Variants in FSTL4 observed in about 807,000 individuals in gnomAD.
The protein encoded by FSTL4 is follistatin-related protein 4.
In FSTL4, 28 loss-of-function variants were observed where a neutral mutation model predicts 78.2. The ratio of observed to expected loss-of-function variants is 0.36; its 90% confidence interval spans 0.27 to 0.49. The LOEUF (loss-of-function observed/expected upper bound fraction) is 0.49. Ranked by LOEUF, FSTL4 falls within the 20% of genes least tolerant of loss-of-function variation. The pLI, the probability that FSTL4 is intolerant of heterozygous loss-of-function variation, is 0.98. For missense variants in FSTL4, 922 were observed against 1,084.9 expected, an observed-to-expected ratio of 0.85 and a Z score of 2.11; for synonymous variants, 422 against 440.5, an observed-to-expected ratio of 0.96 and a Z score of 0.53.
chr5:133,835,288 A>G, the FSTL4 span, among the ~76,000 whole-genome samples: 1 of 152,160 alleles, frequency 6.6e-6, no homozygotes, highest in Non-Finnish European at 1.5e-5. Flanking sequence ...CGATTCTGAT[A>G]GTCTGTCTTT....
intron 6 of FSTL4, among the ~76,000 whole-genome samples, chr5:133,298,659 T>C (rs1192077655): frequency 1.3e-5 from 2 of 152,248 alleles, no homozygotes; most frequent in Non-Finnish European, 1.5e-5. Flanking sequence ...TCAAAGACCA[T>C]GTCTGTCACA....
rs1429293001 is a variant in FSTL4 at position 133,338,505 on chromosome 5, A to C, written c.410-21853T>G. Among the ~76,000 whole-genome samples the C allele has an allele frequency of 6.6e-6, 1 of 151,922 alleles. No individual in the cohort carries two copies. Among genetic ancestry groups the C allele is most frequent in the Non-Finnish European group, 1.5e-5 (1 of 67,970 alleles). On this transcript the variant is annotated intron_variant, in intron 4 of 15. Transcript: ENST00000265342. This position sits in a 1 kb window ranked among gnomAD's most constrained non-coding sequence, Gnocchi z 4.0. ...CGTGGAGTGGCATAAGCTATACAGA[A>C]ACTTCCCTCTGCTCCCCCATGGATA... is the stretch of plus-strand genomic sequence containing the variant.
In FSTL4 at chr5:133,321,669, T is replaced by C. The variant is rs542946451; in HGVS notation, c.410-5017A>G. 1.9e-4 allele frequency among the ~76,000 whole-genome samples: 29 copies of C among 152,344 alleles called. No homozygotes were observed. The East Asian group carries it at 5.4e-3, about 28-fold the overall frequency. On this transcript the variant is annotated intron_variant, in intron 4 of 15. Coordinates refer to ENST00000265342, the MANE Select transcript of FSTL4 (RefSeq NM_015082.2). ...GAGAGAATGGTTCGAGAGAATGCCA[T>C]AAGGAGCCCTGAGCTGGGGCCCGGA...
chr5:133,528,312 C>T (rs1453172917), intron 3 of FSTL4, among the ~76,000 whole-genome samples: 3 of 152,222 alleles, frequency 2.0e-5, no homozygotes, highest in Non-Finnish European at 2.9e-5. Flanking sequence ...AACATCTGCT[C>T]ATATTGAGTT....
chr5:133,734,824 CGT>C, the FSTL4 span, among the ~76,000 whole-genome samples: 1 of 152,076 alleles, frequency 6.6e-6, no homozygotes, highest in African/African-American at 2.4e-5. Context: ...CCTGGTTATC[CGT>C]GTGTCAGATC....
At chr5:133,228,855 C>A (rs181199161) in intron 8 of FSTL4, among the ~76,000 whole-genome samples, 46 of 152,254 alleles carry the variant, frequency 3.0e-4, no homozygotes, top group Non-Finnish European at 5.7e-4. Flanking sequence ...GGAAGAGAGG[C>A]AATACCAGAC....
intron 12 of FSTL4, among the ~76,000 whole-genome samples, chr5:133,220,411 G>C (rs1751055172): frequency 6.6e-6 from 1 of 152,234 alleles, no homozygotes; most frequent in South Asian, 2.1e-4. Flanking sequence ...CCTGGCCTTA[G>C]TTTCCTGAAG....
At chr5:133,407,722 C>T (rs9327650) in intron 3 of FSTL4, among the ~76,000 whole-genome samples, 10,692 of 152,264 alleles carry the variant, frequency 0.07, 1,233 homozygotes, top group African/African-American at 0.24. Flanking sequence ...TAGGTTTCTA[C>T]ATATTGTCTA....
chr5:133,405,955 G>A (rs1021242340), intron 3 of FSTL4, among the ~76,000 whole-genome samples: 5 of 152,358 alleles, frequency 3.3e-5, no homozygotes, highest in African/African-American at 1.2e-4. Context: ...TGCCAGTCCC[G>A]ATTCCAGGTG....
rs114499361 is a variant in FSTL4 at position 133,571,302 on chromosome 5, G to A, written c.127-4083C>T. On this transcript the variant is annotated intron_variant, in intron 2 of 15. Transcript: ENST00000265342. Reference sequence around the variant, plus strand: ...TTCCAGGACTCTATCTGTCTAACAAGGAAAAATAAATCCTCTGTGGAAATC... The same window carrying A: ...TTCCAGGACTCTATCTGTCTAACAAAGAAAAATAAATCCTCTGTGGAAATC... Among the ~76,000 whole-genome samples the A allele has an allele frequency of 2.8e-3, 424 of 152,190 alleles. 5 individuals carry two copies. The highest frequency in any genetic ancestry group is 0.014 in the Middle Eastern group (4 of 294).
chr5:133,549,036 G>T (rs902151491), intron 3 of FSTL4, among the ~76,000 whole-genome samples: 2 of 152,200 alleles, frequency 1.3e-5, no homozygotes, highest in Non-Finnish European at 2.9e-5. Flanking sequence ...TTATCATTTT[G>T]TCCTTAGTAT....
intron 3 of FSTL4, among the ~76,000 whole-genome samples, chr5:133,550,880 T>C (rs1489755906): frequency 6.6e-6 from 1 of 152,170 alleles, no homozygotes; most frequent in African/African-American, 2.4e-5. Flanking sequence ...AGAATGGAGT[T>C]TGGCTTCTTT....
rs182038957 is a variant in FSTL4 at position 133,547,909 on chromosome 5, T to A, written c.160+19277A>T. On this transcript the variant is annotated intron_variant, in intron 3 of 15. Coordinates refer to ENST00000265342, the MANE Select transcript of FSTL4 (RefSeq NM_015082.2). ...GGAAGCTGGATTACATGGCCAATCA[T>A]TAAAGTTACCCGGCCAATCATTAAA... Among the ~76,000 whole-genome samples the A allele has an allele frequency of 2.7e-3, 410 of 152,324 alleles. 1 individual carries two copies. Among genetic ancestry groups the A allele is most frequent in the African/African-American group, 9.3e-3 (385 of 41,580 alleles).
intron 3 of FSTL4, among the ~76,000 whole-genome samples, chr5:133,418,781 A>G (rs1479877350): frequency 1.3e-5 from 2 of 152,210 alleles, no homozygotes; most frequent in Non-Finnish European, 2.9e-5. Flanking sequence ...CTACACCTAT[A>G]TACAGCATAC....
chr5:133,504,174 A>G (rs1202469997), intron 3 of FSTL4, among the ~76,000 whole-genome samples: 3 of 151,950 alleles, frequency 2.0e-5, no homozygotes, highest in African/African-American at 7.3e-5. Context: ...ACACAGCCAA[A>G]CCGTATCAAT....
chr5:133,521,968 G>A lies in FSTL4; in HGVS notation c.160+45218C>T, dbSNP rs76312083. Among the ~76,000 whole-genome samples the A allele has an allele frequency of 2.6e-5, 4 of 152,296 alleles. No homozygotes were observed. In the East Asian group the frequency reaches 7.7e-4, roughly 29 times the overall value. On this transcript the variant is annotated intron_variant, in intron 3 of 15. Coordinates refer to ENST00000265342, the MANE Select transcript of FSTL4 (RefSeq NM_015082.2). ...TGCAATTGAGAAGAGATGCCAGAAG[G>A]CAGAATTAGATGATGTAAAGCTCTC... is the stretch of plus-strand genomic sequence containing the variant.
intron 3 of FSTL4, among the ~76,000 whole-genome samples, chr5:133,517,439 A>ATATATATATATATATAT (rs1221892095): frequency 2.5e-4 from 8 of 32,120 alleles, no homozygotes; most frequent in African/African-American, 6.1e-4. Context: ...AAAAAAAAAA[A>ATATATATATATATATAT]AAAAAAAAAT....
In FSTL4 at chr5:133,475,951, C is replaced by A. The variant is rs565874009; in HGVS notation, c.161-74965G>T. On this transcript the variant is annotated intron_variant, in intron 3 of 15. Transcript: ENST00000265342. Reference sequence around the variant, plus strand: ...TGTCCACCCTCCAGAGGAGTCTGGGCGAATAAGGCTTATCTTGTGGGGCTC... The same window carrying A: ...TGTCCACCCTCCAGAGGAGTCTGGGAGAATAAGGCTTATCTTGTGGGGCTC... Among the ~76,000 whole-genome samples the A allele has an allele frequency of 1.8e-4, 28 of 152,080 alleles. No individual in the cohort carries two copies. In the East Asian group the frequency reaches 3.9e-3, roughly 21 times the overall value.
chr5:133,815,503 C>T, the FSTL4 span, among the ~76,000 whole-genome samples: 2 of 152,158 alleles, frequency 1.3e-5, no homozygotes, highest in Admixed American at 6.5e-5. Context: ...ACAGAATGCT[C>T]GAAATACGAC....
Sources: gnomAD v4.1 joint callset for allele counts (sites outside exome capture counted in the v4.1 genomes callset) on GRCh38, gnomAD v4.1.1 for gene constraint, Gnocchi (gnomAD v3.1) non-coding constraint, MANE v1.5 for transcripts, NCBI Gene and HGNC (gene_info 2026-07-23, HGNC 2026-07-21) for gene names.